Variants in PHF24 observed in about 807,000 individuals in gnomAD.
PHF24 encodes Galpha inhibitory interacting protein.
A neutral mutation model predicts 42.6 loss-of-function variants in PHF24; 25 were observed. That is an observed-to-expected ratio of 0.59 (90% CI 0.43 to 0.82). PHF24 has a LOEUF of 0.82. PHF24 is among the 40% of genes least tolerant of loss of function. PHF24 has a pLI of 0.00. For missense variants in PHF24, 470 were observed against 538.1 expected (o/e 0.87, Z 1.25); for synonymous variants, 185 against 204.8 (o/e 0.90, Z 0.83).
At chr9:34,833,481 G>A in the PHF24 span, 2 of 1,550,652 alleles carry the variant, frequency 1.3e-6, no homozygotes, top group Admixed American at 2.0e-5. Context: ...AGTTCCTGGA[G>A]CAATGTCTCC....
At chr9:34,679,827 AGAGGGCTCTGAGCCTCAGAT>A in the PHF24 span, among the ~76,000 whole-genome samples, 1 of 152,216 alleles carries the variant, frequency 6.6e-6, no homozygotes, top group Non-Finnish European at 1.5e-5. Flanking sequence ...TGAGTTTGGA[AGAGGGCTCTGAGCCTCAGAT>A]GAGATTGCAG....
chr9:34,720,648 A>G, the PHF24 span, among the ~76,000 whole-genome samples: 2 of 151,770 alleles, frequency 1.3e-5, no homozygotes, highest in East Asian at 3.9e-4. Context: ...CTGCTTCCCA[A>G]TCCTCTCATC....
At chr9:34,716,026 G>A in the PHF24 span, among the ~76,000 whole-genome samples, 3 of 152,208 alleles carry the variant, frequency 2.0e-5, no homozygotes, top group African/African-American at 7.2e-5. Context: ...ATAGGATTGG[G>A]GTGGGCTGGG....
chr9:34,884,809 G>C, the PHF24 span, among the ~76,000 whole-genome samples: 6 of 152,208 alleles, frequency 3.9e-5, no homozygotes, highest in Non-Finnish European at 7.3e-5. Context: ...ACAAGGTGAT[G>C]CTTCCACTTT....
the PHF24 span, among the ~76,000 whole-genome samples, chr9:34,796,431 A>AC: frequency 5.3e-5 from 8 of 152,050 alleles, no homozygotes; most frequent in Admixed American, 2.0e-4. Context: ...TTAAAAAAAA[A>AC]CAAGATATTG....
chr9:34,776,460 G>C, the PHF24 span, among the ~76,000 whole-genome samples: 1 of 152,068 alleles, frequency 6.6e-6, no homozygotes, highest in East Asian at 1.9e-4. Flanking sequence ...TTCTTTCTTT[G>C]TTTGGCCTAG....
At chr9:34,689,852 G>A in the PHF24 span, 1 of 1,614,182 alleles carries the variant, frequency 6.2e-7, no homozygotes, top group Non-Finnish European at 8.5e-7. This position sits in a 1 kb window ranked among gnomAD's most constrained non-coding sequence, Gnocchi z 4.1. Context: ...AGAGGAGGAA[G>A]GAGAGGAAGG....
chr9:34,858,002 G>T, the PHF24 span, among the ~76,000 whole-genome samples: 3 of 138,188 alleles, frequency 2.2e-5, no homozygotes, highest in Admixed American at 7.4e-5. Flanking sequence ...CATTTGCTGA[G>T]CTTCCTTAAA....
the PHF24 span, among the ~76,000 whole-genome samples, chr9:34,720,117 G>T: frequency 3.5e-4 from 53 of 152,242 alleles, no homozygotes; most frequent in African/African-American, 1.1e-3. Flanking sequence ...CTGGGTTTCC[G>T]TAGGAACCAG....
At chr9:34,961,034 T>A (rs1312338364) in intron 1 of PHF24, among the ~76,000 whole-genome samples, 2 of 152,234 alleles carry the variant, frequency 1.3e-5, no homozygotes, top group South Asian at 2.1e-4. Flanking sequence ...CATTGTCTTC[T>A]TCTAACATTT....
rs1800072903 is a variant in PHF24 at position 34,977,598 on chromosome 9, AAG to A, written c.1066_1067del (p.Gln357GlyfsTer88). ...TAGCAGCCCAGCCAGCAGCAGCAGCAAGAGTCAGGACAAGACCCTGCTGCCCA... is the reference window on the plus strand; with the variant it reads ...TAGCAGCCCAGCCAGCAGCAGCAGCAAGTCAGGACAAGACCCTGCTGCCCA... On this transcript the variant is annotated frameshift_variant, in exon 7 of 8. Transcript: ENST00000242315. LOFTEE classifies it high-confidence loss of function. 1.2e-6 allele frequency: 2 copies of A among 1,608,908 alleles called. No homozygotes were observed.
chr9:34,928,781 T>A, the PHF24 span, among the ~76,000 whole-genome samples: 3 of 152,212 alleles, frequency 2.0e-5, no homozygotes, highest in Non-Finnish European at 2.9e-5. Context: ...TTATCTCTAA[T>A]CCATCCCTGT....
the PHF24 span, among the ~76,000 whole-genome samples, chr9:34,701,674 G>A: frequency 6.6e-6 from 1 of 152,064 alleles, no homozygotes; most frequent in African/African-American, 2.4e-5. The surrounding 1 kb of genome is among the most constrained non-coding windows in gnomAD (Gnocchi z 5.8). Flanking sequence ...GGAGGCTCGG[G>A]CTGTGGGTGG....
the PHF24 span, among the ~76,000 whole-genome samples, chr9:34,934,827 T>A: frequency 2.0e-5 from 3 of 152,166 alleles, no homozygotes; most frequent in Non-Finnish European, 4.4e-5. Flanking sequence ...AATGTAGCAG[T>A]CATGACAATG....
chr9:34,779,899 T>C, the PHF24 span, among the ~76,000 whole-genome samples: 1 of 152,152 alleles, frequency 6.6e-6, no homozygotes, highest in Non-Finnish European at 1.5e-5. Flanking sequence ...CTAATTTTTG[T>C]ATTTTTAGTA....
the PHF24 span, among the ~76,000 whole-genome samples, chr9:34,793,020 T>A: frequency 1.3e-5 from 2 of 152,200 alleles, no homozygotes; most frequent in Non-Finnish European, 2.9e-5. Flanking sequence ...AGGAAGAGTA[T>A]AATGTCCTTA....
At chr9:34,677,350 A>G in the PHF24 span, among the ~76,000 whole-genome samples, 1 of 138,230 alleles carries the variant, frequency 7.2e-6, no homozygotes, top group African/African-American at 2.8e-5. Flanking sequence ...TCTTTGTACA[A>G]TTCATTTTTC....
At chr9:34,847,665 C>T in the PHF24 span, among the ~76,000 whole-genome samples, 2 of 151,774 alleles carry the variant, frequency 1.3e-5, no homozygotes, top group South Asian at 2.1e-4. Flanking sequence ...GAGAGGGCAT[C>T]CCTGTCTTGT....
the PHF24 span, among the ~76,000 whole-genome samples, chr9:34,738,389 C>T: frequency 2.0e-5 from 3 of 151,960 alleles, no homozygotes; most frequent in African/African-American, 7.3e-5. Flanking sequence ...CTCGCTCTGT[C>T]GCCCAGGCTG....
Sources: allele counts gnomAD v4.1 joint callset (sites outside exome capture counted in the v4.1 genomes callset), GRCh38; gene constraint gnomAD v4.1.1; non-coding constraint Gnocchi (gnomAD v3.1); transcripts MANE v1.5; gene names NCBI Gene and HGNC (gene_info 2026-07-23, HGNC 2026-07-21).